Variants in PDE10A observed in about 807,000 individuals in gnomAD.
The protein encoded by PDE10A is cAMP and cAMP-inhibited cGMP 3',5'-cyclic phosphodiesterase 10A.
A neutral mutation model predicts 97.7 loss-of-function variants in PDE10A; 39 were observed. The ratio of observed to expected loss-of-function variants is 0.40; its 90% CI spans 0.31 to 0.52. PDE10A has a LOEUF of 0.52. Ranked by LOEUF, PDE10A falls within the 20% of genes least tolerant of loss-of-function variation. The probability of loss-of-function intolerance (pLI) is 0.56; values close to 1 mark genes in which losing one functional copy is unlikely to be tolerated. For missense variants in PDE10A, 731 were observed against 1,047.8 expected (o/e 0.70, Z 4.17); for synonymous variants, 371 against 376.8 (o/e 0.98, Z 0.18).
chr6:165,780,774 T>C (rs1778321158), intron 1 of PDE10A: 1 of 152,336 alleles, frequency 6.6e-6, no homozygotes, highest in South Asian at 2.1e-4. Flanking sequence ...GGTCTCACCC[T>C]CTCAACGCTT....
At chr6:165,608,614 T>C (rs1314402861) in intron 1 of PDE10A, among the ~76,000 whole-genome samples, 3 of 152,154 alleles carry the variant, frequency 2.0e-5, no homozygotes, top group Non-Finnish European at 4.4e-5. Flanking sequence ...TATAATCCTT[T>C]GGGTATATAC....
chr6:165,645,151 C>T (rs957949479), intron 1 of PDE10A, among the ~76,000 whole-genome samples: 8 of 152,180 alleles, frequency 5.3e-5, no homozygotes, highest in Non-Finnish European at 8.8e-5. Context: ...TTGCTGCTTT[C>T]ATCCAGCACC....
intron 1 of PDE10A, among the ~76,000 whole-genome samples, chr6:165,601,256 A>G (rs188003160): frequency 9.8e-5 from 15 of 152,334 alleles, no homozygotes; most frequent in African/African-American, 3.6e-4. Flanking sequence ...CGTGGAACTG[A>G]AAGTCCAATT....
At chr6:165,635,574 A>T (rs1562647849) in intron 1 of PDE10A, among the ~76,000 whole-genome samples, 1 of 152,230 alleles carries the variant, frequency 6.6e-6, no homozygotes, top group Non-Finnish European at 1.5e-5. Flanking sequence ...TTTAGAGTAT[A>T]TCTACTTTTA....
chr6:165,947,523 C>T (rs1783811701), intron 1 of PDE10A, among the ~76,000 whole-genome samples: 1 of 152,156 alleles, frequency 6.6e-6, no homozygotes, highest in African/African-American at 2.4e-5. Context: ...ACCAACTCAG[C>T]TGTCTCATTA....
chr6:165,515,969 G>A (rs932924272), intron 2 of PDE10A, among the ~76,000 whole-genome samples: 2 of 152,146 alleles, frequency 1.3e-5, no homozygotes, highest in Non-Finnish European at 1.5e-5. Flanking sequence ...ATTTATGGAA[G>A]AGAGCAATCT....
intron 10 of PDE10A, among the ~76,000 whole-genome samples, chr6:165,421,318 C>G (rs369600094): frequency 6.6e-6 from 1 of 152,192 alleles, no homozygotes; most frequent in South Asian, 2.1e-4. Context: ...CAGCATGCAT[C>G]TGAAGTCCCA....
intron 1 of PDE10A, among the ~76,000 whole-genome samples, chr6:165,603,636 C>T (rs12206770): frequency 0.12 from 18,820 of 152,264 alleles, 1,197 homozygotes; most frequent in Middle Eastern, 0.14. Context: ...AGGGGAGCAG[C>T]GTCCCAGTGA....
chr6:165,708,218 G>T (rs1201078596), intron 1 of PDE10A, among the ~76,000 whole-genome samples: 2 of 152,136 alleles, frequency 1.3e-5, no homozygotes, highest in Non-Finnish European at 2.9e-5. Context: ...GACTCCACCT[G>T]CTTAACTCAT....
chr6:165,579,070 G>A (rs1272100432), intron 1 of PDE10A, among the ~76,000 whole-genome samples: 2 of 152,214 alleles, frequency 1.3e-5, no homozygotes, highest in Non-Finnish European at 2.9e-5. Context: ...AGGCATGAAG[G>A]ATCAACCTTT....
chr6:165,591,838 C>A (rs930518061), intron 1 of PDE10A, among the ~76,000 whole-genome samples: 8 of 152,142 alleles, frequency 5.3e-5, no homozygotes, highest in African/African-American at 1.9e-4. Context: ...CTGACCTATT[C>A]ATTCATCAAT....
At chr6:165,586,942 G>T (rs1247428731) in intron 1 of PDE10A, among the ~76,000 whole-genome samples, 1 of 152,054 alleles carries the variant, frequency 6.6e-6, no homozygotes, top group East Asian at 1.9e-4. Flanking sequence ...AAATCTGAGG[G>T]TGGAGAATCA....
intron 18 of PDE10A, among the ~76,000 whole-genome samples, chr6:165,351,345 G>C (rs1384069976): frequency 6.6e-6 from 1 of 152,020 alleles, no homozygotes; most frequent in African/African-American, 2.4e-5. Context: ...ACAAAAGGTG[G>C]GAAGCAAGTG....
chr6:165,968,001 G>A (rs1784560974), intron 1 of PDE10A, among the ~76,000 whole-genome samples: 1 of 152,204 alleles, frequency 6.6e-6, no homozygotes, highest in Admixed American at 6.5e-5. Flanking sequence ...GCTGAGCAGT[G>A]AAGCATCACA....
chr6:165,567,979 G>A (rs910977468), intron 1 of PDE10A, among the ~76,000 whole-genome samples: 1 of 146,758 alleles, frequency 6.8e-6, no homozygotes, highest in South Asian at 2.2e-4. Context: ...GCACACAATA[G>A]GTACGCAACA....
chr6:165,824,968 T>TAAAAAAAAAAAAA (rs71890265), intron 1 of PDE10A, among the ~76,000 whole-genome samples: 7 of 92,410 alleles, frequency 7.6e-5, no homozygotes, highest in East Asian at 3.2e-4. Context: ...CCGTCTCTAC[T>TAAAAAAAAAAAAA]AAAAAAAAAA....
In PDE10A at chr6:165,439,140, G is replaced by A. The variant is rs149801631; in HGVS notation, c.1195-3763C>T. Among the ~76,000 whole-genome samples the A allele has an allele frequency of 3.1e-3, 477 of 152,034 alleles. 1 individual carries two copies. Among genetic ancestry groups the A allele is most frequent in the African/African-American group, 0.011 (463 of 41,486 alleles). On this transcript the variant is annotated intron_variant, in intron 5 of 21. Transcript: ENST00000539869. The stretch of plus-strand genomic sequence containing the variant: ...CTTAAAGATTTAACTGGGATATTCA[G>A]ATTAATAAGATAAAAAACCTTATGC...
chr6:165,380,232 T>C (rs529247), intron 17 of PDE10A, among the ~76,000 whole-genome samples: 71,975 of 152,076 alleles, frequency 0.47, 18,039 homozygotes, highest in African/African-American at 0.65. Flanking sequence ...ATTATTTTGA[T>C]ATTATTTCAT....
intron 1 of PDE10A, among the ~76,000 whole-genome samples, chr6:165,953,353 G>A (rs1784027466): frequency 6.6e-6 from 1 of 152,178 alleles, no homozygotes; most frequent in Non-Finnish European, 1.5e-5. Context: ...CATTTTGGGA[G>A]GCCGAGGCGG....
Sources: gnomAD v4.1 joint callset for allele counts (sites outside exome capture counted in the v4.1 genomes callset) on GRCh38, gnomAD v4.1.1 for gene constraint, MANE v1.5 for transcripts, NCBI Gene and HGNC (gene_info 2026-07-23, HGNC 2026-07-21) for gene names.